The following RSRC1 variants were observed in gnomAD, a reference collection of about 807,000 sequenced individuals.
The protein encoded by RSRC1 is arginine and serine rich coiled-coil 1, also known as serine/Arginine-related protein 53.
A neutral mutation model predicts 49.1 loss-of-function variants in RSRC1; 39 were observed. The observed-to-expected ratio is 0.79, with a 90% CI of 0.61 to 1.04. RSRC1 has a LOEUF of 1.04. Ranked by LOEUF, RSRC1 falls within the 50% of genes least tolerant of loss-of-function variation. RSRC1 has a pLI of 0.00. For missense variants in RSRC1, 388 were observed against 402.4 expected, an observed-to-expected ratio of 0.96 and a Z score of 0.31; for synonymous variants, 143 against 130.8, an observed-to-expected ratio of 1.09 and a Z score of -0.63.
At chr3:158,392,038 A>G (rs1457741761) in intron 6 of RSRC1, among the ~76,000 whole-genome samples, 2 of 152,110 alleles carry the variant, frequency 1.3e-5, no homozygotes, top group Non-Finnish European at 2.9e-5. Flanking sequence ...ATATCTACTA[A>G]TTCTGTTAAT....
chr3:158,308,750 A>G (rs894324414), intron 5 of RSRC1, among the ~76,000 whole-genome samples: 1 of 151,972 alleles, frequency 6.6e-6, no homozygotes, highest in African/African-American at 2.4e-5. Context: ...TAAATCGGAA[A>G]GTGCAGATAG....
intron 6 of RSRC1, among the ~76,000 whole-genome samples, chr3:158,426,237 T>C (rs983619207): frequency 1.3e-5 from 2 of 151,694 alleles, no homozygotes; most frequent in Admixed American, 1.3e-4. Context: ...ATTAGACATC[T>C]TGATGAAAGG....
In RSRC1 at chr3:158,278,160, C is replaced by T. The variant is rs548534138; in HGVS notation, c.495-19879C>T. On this transcript the variant is annotated intron_variant, in intron 4 of 9. Transcript: ENST00000611884. ...ATCTGTATCTGTCAAAAAAATCATACAACCAACAACGGACAAGTCCACAAG... is the reference window on the plus strand; with the variant it reads ...ATCTGTATCTGTCAAAAAAATCATATAACCAACAACGGACAAGTCCACAAG... 3.5e-4 allele frequency among the ~76,000 whole-genome samples: 54 copies of T among 152,310 alleles called. 1 individual carries two copies. The South Asian group carries it at 0.01, about 29-fold the overall frequency.
rs532475725 is a variant in RSRC1, at chr3:158,118,916, A to G, written c.-2-3187A>G. ...GTTGTTCAGTTTTTGCAGATATTCAAGAATCCTCTTGAGGATAGCACACAG... is the reference window on the plus strand; with the variant it reads ...GTTGTTCAGTTTTTGCAGATATTCAGGAATCCTCTTGAGGATAGCACACAG... On this transcript the variant is annotated intron_variant, in intron 1 of 9. Coordinates refer to ENST00000611884, the MANE Select transcript of RSRC1 (RefSeq NM_001271838.2). Among the ~76,000 whole-genome samples the G allele has an allele frequency of 1.1e-4, 17 of 152,326 alleles. No homozygotes were observed. In the East Asian group the frequency reaches 3.3e-3, roughly 29 times the overall value.
At chr3:158,118,491 C>G (rs932455796) in intron 1 of RSRC1, among the ~76,000 whole-genome samples, 2 of 132,812 alleles carry the variant, frequency 1.5e-5, no homozygotes, top group Non-Finnish European at 3.1e-5. Flanking sequence ...TTTAAATTGT[C>G]CTTTGTTAAA....
intron 5 of RSRC1, among the ~76,000 whole-genome samples, chr3:158,326,789 G>A (rs1729181666): frequency 6.6e-6 from 1 of 152,182 alleles, no homozygotes; most frequent in Non-Finnish European, 1.5e-5. Flanking sequence ...GATTGGAATA[G>A]TTTCAGAAGG....
intron 7 of RSRC1, among the ~76,000 whole-genome samples, chr3:158,502,010 G>T (rs1424244662): frequency 6.6e-6 from 1 of 152,142 alleles, no homozygotes; most frequent in Non-Finnish European, 1.5e-5. Flanking sequence ...TGTATTTCCA[G>T]GATTCATTTC....
intron 7 of RSRC1, among the ~76,000 whole-genome samples, chr3:158,513,385 T>C: frequency 6.6e-6 from 1 of 152,226 alleles, no homozygotes. Context: ...ATGTGGTTTT[T>C]GCCTTTGGTT....
At chr3:158,437,830 A>T (rs540663002) in intron 6 of RSRC1, among the ~76,000 whole-genome samples, 1 of 152,120 alleles carries the variant, frequency 6.6e-6, no homozygotes, top group African/African-American at 2.4e-5. Flanking sequence ...CAATCAGGCA[A>T]AAGAAAGAAA....
chr3:158,521,569 A>G (rs1711677338), intron 7 of RSRC1, among the ~76,000 whole-genome samples: 1 of 152,174 alleles, frequency 6.6e-6, no homozygotes, highest in African/African-American at 2.4e-5. Context: ...CTTTACTCAA[A>G]AAAAGGATGT....
intron 7 of RSRC1, among the ~76,000 whole-genome samples, chr3:158,509,570 G>C (rs1443247589): frequency 6.6e-6 from 1 of 152,018 alleles, no homozygotes; most frequent in Non-Finnish European, 1.5e-5. Flanking sequence ...GATCGCTTGA[G>C]CCCAGAGGTT....
intron 5 of RSRC1, among the ~76,000 whole-genome samples, chr3:158,311,617 A>T (rs954577765): frequency 1.3e-5 from 2 of 151,978 alleles, no homozygotes; most frequent in Non-Finnish European, 2.9e-5. Context: ...GTTACCCAGG[A>T]TGAACAAATT....
At chr3:158,334,634 C>T (rs1578352760) in intron 5 of RSRC1, among the ~76,000 whole-genome samples, 1 of 140,850 alleles carries the variant, frequency 7.1e-6, no homozygotes. Flanking sequence ...GCACATGACA[C>T]CACACCCAGC....
intron 6 of RSRC1, among the ~76,000 whole-genome samples, chr3:158,392,627 A>G (rs1477685913): frequency 6.6e-6 from 1 of 152,106 alleles, no homozygotes; most frequent in East Asian, 1.9e-4. Flanking sequence ...CAACAAGAAG[A>G]CCTATCCTAA....
intron 3 of RSRC1, among the ~76,000 whole-genome samples, chr3:158,185,679 A>G (rs1357549547): frequency 6.6e-6 from 1 of 151,990 alleles, no homozygotes; most frequent in Non-Finnish European, 1.5e-5. Context: ...TTTAAATATA[A>G]TATTAGTAGC....
At chr3:158,417,338 G>A (rs570610686) in intron 6 of RSRC1, among the ~76,000 whole-genome samples, 6 of 152,076 alleles carry the variant, frequency 3.9e-5, no homozygotes, top group African/African-American at 1.2e-4. Flanking sequence ...TTTTCTGACA[G>A]CATTTTATTT....
intron 6 of RSRC1, among the ~76,000 whole-genome samples, chr3:158,363,565 C>T (rs985210069): frequency 6.6e-6 from 1 of 152,020 alleles, no homozygotes; most frequent in Admixed American, 6.6e-5. Flanking sequence ...ATGCCCAGCC[C>T]TCGAGCTACT....
At chr3:158,456,918 A>AT (rs1315136294) in intron 6 of RSRC1, among the ~76,000 whole-genome samples, 9 of 152,026 alleles carry the variant, frequency 5.9e-5, no homozygotes, top group African/African-American at 2.2e-4. Flanking sequence ...TATGTGAAGG[A>AT]TTTTAGGGGT....
intron 2 of RSRC1, among the ~76,000 whole-genome samples, chr3:158,122,544 A>AATT (rs1715331654): frequency 6.6e-6 from 1 of 151,504 alleles, no homozygotes; most frequent in Non-Finnish European, 1.5e-5. Flanking sequence ...AATTTAATTT[A>AATT]ATTTTTTTTC....
Sources: allele counts gnomAD v4.1 joint callset (sites outside exome capture counted in the v4.1 genomes callset), GRCh38; gene constraint gnomAD v4.1.1; transcripts MANE v1.5; gene names NCBI Gene and HGNC (gene_info 2026-07-23, HGNC 2026-07-21).